The following KRT23 variants were observed in gnomAD, a reference collection of about 807,000 sequenced individuals.
The protein encoded by KRT23 is keratin 23.
In KRT23, 38 loss-of-function variants were observed where a neutral mutation model predicts 47.6. The observed-to-expected ratio is 0.80, with a 90% CI of 0.62 to 1.05. The LOEUF (loss-of-function observed/expected upper bound fraction) is 1.05, where lower values mean the gene tolerates loss of function less well. Ranked by LOEUF, KRT23 falls within the 50% of genes least tolerant of loss-of-function variation. The probability of loss-of-function intolerance (pLI) is 0.00; values close to 1 mark genes in which losing one functional copy is unlikely to be tolerated. For synonymous variants in KRT23, 191 were observed against 199.0 expected (o/e 0.96, Z 0.34); for missense variants, 503 against 529.5 (o/e 0.95, Z 0.49).
At chr17:40,937,165 G>T (rs562574805) in intron 1 of KRT23, 181 bp downstream of exon 1, 1 of 152,598 alleles carries the variant, frequency 6.6e-6, no homozygotes, top group South Asian at 2.1e-4. Context: ...AGAAGGGAAA[G>T]CCAGCTCAGA....
At chr17:40,924,409 A>G in intron 8 of KRT23, 63 bp downstream of exon 8, 1 of 1,381,734 alleles carries the variant, frequency 7.2e-7, no homozygotes, top group South Asian at 1.2e-5. Context: ...TGACTACTAC[A>G]AAATGGATAA....
chr17:40,925,507 T>C lies in KRT23; in HGVS notation c.989A>G (p.Gln330Arg). 6.2e-7 allele frequency: 1 copy of C among 1,614,176 alleles called. No homozygotes were observed. Among genetic ancestry groups the C allele is most frequent in the South Asian group, 1.1e-5 (1 of 91,090 alleles). ...SRYSCKLQDMQEIISHYEEEL... is the reference protein window; with the variant it reads ...SRYSCKLQDMREIISHYEEEL... The stretch of plus-strand genomic sequence containing the variant: ...CTCCTCATAGTGGGAGATGATCTCT[T>C]GCATGTCCTGGAGCTTGCAGGAGTA... The change falls in exon 7 of 9, where the codon CAA (glutamine) becomes CGA (arginine). Residue 330 changes from glutamine (Q) to arginine (R), a missense_variant. Coordinates refer to ENST00000209718, the MANE Select transcript of KRT23 (RefSeq NM_015515.5).
chr17:40,928,410 T>G, intron 5 of KRT23, 36 bp downstream of exon 5: 2 of 1,614,112 alleles, frequency 1.2e-6, no homozygotes, highest in South Asian at 1.1e-5. Flanking sequence ...CTCATGGAAA[T>G]GCAACCTTTG....
intron 4 of KRT23, 65 bp from the exon 5 acceptor site, chr17:40,928,672 G>A: frequency 7.0e-7 from 1 of 1,422,940 alleles, no homozygotes. Flanking sequence ...TTGCCATGTT[G>A]ATTGGCAGTG....
In KRT23 at chr17:40,923,038, T is replaced by C. The variant is rs1909021126; in HGVS notation, c.1220A>G (p.Asn407Ser). 33 of 1,614,034 alleles carry C rather than the reference T, an allele frequency of 2.0e-5. No homozygotes were observed. The highest frequency in any genetic ancestry group is 2.5e-5 in the Non-Finnish European group (29 of 1,179,982). ...CACTTGACAAAGAACTAATCTTCCGTTGATGGTCTCCTGGGTTATGGCCTT... is the reference window on the plus strand; with the variant it reads ...CACTTGACAAAGAACTAATCTTCCGCTGATGGTCTCCTGGGTTATGGCCTT... ...KIKAITQETI[N>S]GRLVLCQVNE... The change falls in exon 9 of 9, where the codon AAC (asparagine) becomes AGC (serine). Residue 407 changes from asparagine (N) to serine (S), a missense_variant. Physicochemically the swap from Asn to Ser is conservative, Grantham distance 46. Coordinates refer to ENST00000209718, the MANE Select transcript of KRT23 (RefSeq NM_015515.5).
In KRT23 at chr17:40,936,792, C is replaced by A. The variant is rs1043642284; in HGVS notation, c.-189G>T. ...TCCTCTTGGTCAATCCCAAAGTGCCCCTGGGCCTTCGCACACTGTTGTTGT... is the reference window on the plus strand; with the variant it reads ...TCCTCTTGGTCAATCCCAAAGTGCCACTGGGCCTTCGCACACTGTTGTTGT... On this transcript the variant is annotated 5_prime_UTR_variant, in exon 2 of 9. Transcript: ENST00000209718. 1 of 476,720 alleles carries A rather than the reference C, an allele frequency of 2.1e-6. No individual in the cohort carries two copies. The highest frequency in any genetic ancestry group is 3.5e-6 in the Non-Finnish European group (1 of 282,306). 29.5% of individuals were successfully genotyped at this position (476,720 alleles called of 1,614,324 possible).
rs755654949 is a variant in KRT23 at position 40,928,433 on chromosome 17, A to G, written c.798+13T>C. 2 of 1,613,994 alleles carry G rather than the reference A, an allele frequency of 1.2e-6. No individual in the cohort carries two copies. Among genetic ancestry groups the G allele is most frequent in the East Asian group, 2.2e-5 (1 of 44,890 alleles). ...AATGCAACCTTTGGGAAGTTTGTGCATCTTTCTTTTACCTGTTCTTTATAC... is the reference window on the plus strand; with the variant it reads ...AATGCAACCTTTGGGAAGTTTGTGCGTCTTTCTTTTACCTGTTCTTTATAC... On this transcript the variant is annotated intron_variant, in intron 5 of 8. Transcript: ENST00000209718.
intron 6 of KRT23, 130 bp downstream of exon 6, chr17:40,928,108 C>A: frequency 8.5e-7 from 1 of 1,174,782 alleles, no homozygotes; most frequent in Non-Finnish European, 1.2e-6. Flanking sequence ...TCATCATAAA[C>A]AATTTGGATG....
intron 2 of KRT23, among the ~76,000 whole-genome samples, chr17:40,931,767 C>G (rs963394219): frequency 1.3e-5 from 2 of 152,134 alleles, no homozygotes; most frequent in African/African-American, 4.8e-5. Flanking sequence ...AGGGGAAGGA[C>G]AGTAATTGTT....
chr17:40,930,106 G>A lies in KRT23; in HGVS notation c.480-10C>T. The A allele has an allele frequency of 6.2e-7, 1 of 1,612,480 alleles. No individual in the cohort carries two copies. Among genetic ancestry groups the A allele is most frequent in the Non-Finnish European group, 8.5e-7 (1 of 1,179,104 alleles). ...GTGTTCATTTTCATACCTTTGGTGA[G>A]AAGGAAGAGAAGAGTGCACTCATTG... On this transcript the variant is annotated splice_polypyrimidine_tract_variant and intron_variant, in intron 3 of 8. Coordinates refer to ENST00000209718, the MANE Select transcript of KRT23 (RefSeq NM_015515.5).
In KRT23 at chr17:40,931,366, A is replaced by G; in HGVS notation, c.479+7T>C. On this transcript the variant is annotated splice_region_variant and intron_variant, in intron 3 of 8. Coordinates refer to ENST00000209718, the MANE Select transcript of KRT23 (RefSeq NM_015515.5). ...AACCCGAACAACCCTGTGAAGAAGG[A>G]ACTTACTTGAGGTTGAAGTCATCCA... is the stretch of plus-strand genomic sequence containing the variant. 1.5e-5 allele frequency: 24 copies of G among 1,599,854 alleles called. No homozygotes were observed. Among genetic ancestry groups the G allele is most frequent in the Non-Finnish European group, 2.1e-5 (24 of 1,166,970 alleles).
Position 40,936,700 on chromosome 17 carries a change from T to A in KRT23, c.-97A>T, listed in dbSNP as rs569297664. 2.2e-5 allele frequency: 25 copies of A among 1,158,210 alleles called. No individual in the cohort carries two copies. The East Asian group carries it at 6.2e-4, about 29-fold the overall frequency. The allele number at this position is 1,158,210 out of a possible 1,614,324, so 71.7% of individuals were successfully genotyped here. A position where few individuals can be genotyped will look rare whatever the true frequency, so the allele number is the denominator to read the frequency against. ...GACTGCCCTGGATGGTTTTATGGCC[T>A]TTGCTGTGGGAGTTCCCTTCTCTGA... On this transcript the variant is annotated 5_prime_UTR_variant, in exon 2 of 9. The change creates a new upstream start codon in the 5' untranslated region. Coordinates refer to ENST00000209718, the MANE Select transcript of KRT23 (RefSeq NM_015515.5).
chr17:40,936,363 C>T lies in KRT23; in HGVS notation c.241G>A (p.Asp81Asn), dbSNP rs763576009. Reference protein sequence around the residue: ...NGKATMQNLNDRLASYLEKVR... With the variant: ...NGKATMQNLNNRLASYLEKVR... ...TTCTCCAGGTAGGAGGCCAGGCGGT[C>T]GTTGAGATTCTGCATGGTGGCCTTC... The change falls in exon 2 of 9, where the codon GAC becomes AAC. Residue 81 changes from aspartate to asparagine, a missense_variant. By Grantham distance (23) the Asp-to-Asn change is conservative. Coordinates refer to ENST00000209718, the MANE Select transcript of KRT23 (RefSeq NM_015515.5). 20 of 1,614,082 alleles carry T rather than the reference C, an allele frequency of 1.2e-5. No homozygotes were observed. The highest frequency in any genetic ancestry group is 5.0e-5 in the Admixed American group (3 of 60,006).
Position 40,931,394 on chromosome 17 carries a change from G to GCCAT in KRT23, c.454_457dup (p.Ala153AspfsTer5). On this transcript the variant is annotated frameshift_variant, in exon 3 of 9. Transcript: ENST00000209718. LOFTEE classifies it high-confidence loss of function. Reference sequence around the variant, plus strand: ...TTACTTGAGGTTGAAGTCATCCACTGCCATCCTGGCATTGTCAATGAGAAG... The same window carrying GCCAT: ...TTACTTGAGGTTGAAGTCATCCACTGCCATCCATCCTGGCATTGTCAATGAGAAG... The GCCAT allele has an allele frequency of 6.2e-7, 1 of 1,612,526 alleles. No homozygotes were observed. The highest frequency in any genetic ancestry group is 2.2e-5 in the East Asian group (1 of 44,874).
chr17:40,922,782 C>A lies in KRT23; in HGVS notation c.*207G>T. 6.5e-6 allele frequency: 3 copies of A among 459,764 alleles called. No homozygotes were observed. The highest frequency in any genetic ancestry group is 3.9e-5 in the Admixed American group (1 of 25,704). 28.5% of individuals were successfully genotyped at this position (459,764 alleles called of 1,614,324 possible). A position where few individuals can be genotyped will look rare whatever the true frequency, so the allele number is the denominator to read the frequency against. On this transcript the variant is annotated 3_prime_UTR_variant, in exon 9 of 9. Coordinates refer to ENST00000209718, the MANE Select transcript of KRT23 (RefSeq NM_015515.5). ...CTGCAGTAGGAAAGTAGAGCTTTACCCTCATAAACTCGCACTTTGATTAGA... is the reference window on the plus strand; with the variant it reads ...CTGCAGTAGGAAAGTAGAGCTTTACACTCATAAACTCGCACTTTGATTAGA...
chr17:40,927,792 T>C (rs571232179), intron 6 of KRT23, among the ~76,000 whole-genome samples: 93 of 152,204 alleles, frequency 6.1e-4, no homozygotes, highest in African/African-American at 2.0e-3. Flanking sequence ...TTTCTCTACA[T>C]TGGGGTTTGA....
In KRT23 at chr17:40,923,090, A is replaced by C; in HGVS notation, c.1175-7T>G. The C allele has an allele frequency of 6.3e-7, 1 of 1,598,940 alleles. No individual in the cohort carries two copies. Among genetic ancestry groups the C allele is most frequent in the Non-Finnish European group, 8.6e-7 (1 of 1,166,172 alleles). On this transcript the variant is annotated splice_polypyrimidine_tract_variant and splice_region_variant and intron_variant, in intron 8 of 8. Transcript: ENST00000209718. ...ATCTTTGGAGTTGCAGACACTGAGA[A>C]AAAGAGCATGGAAGATGTCACTGCC...
rs551835306 is a variant in KRT23 at position 40,924,448 on chromosome 17, C to T, written c.1174+24G>A. 9 of 1,597,414 alleles carry T rather than the reference C, an allele frequency of 5.6e-6. 1 individual carries two copies. Among genetic ancestry groups the T allele is most frequent in the South Asian group, 4.4e-5 (4 of 90,638 alleles). On this transcript the variant is annotated intron_variant, in intron 8 of 8. Transcript: ENST00000209718. ...TGCTAATTCCTTAAAAACAGAGATT[C>T]AAACAATGAAGGAAATTTTTTACCT...
intron 6 of KRT23, among the ~76,000 whole-genome samples, chr17:40,926,299 A>G (rs1909219197): frequency 6.6e-6 from 1 of 151,416 alleles, no homozygotes; most frequent in Non-Finnish European, 1.5e-5. Flanking sequence ...TGTGCTGGAT[A>G]CTCTCCCTTT....
Sources: gnomAD v4.1 joint callset for allele counts (sites outside exome capture counted in the v4.1 genomes callset) on GRCh38, gnomAD v4.1.1 for gene constraint, MANE v1.5 for transcripts, NCBI Gene and HGNC (gene_info 2026-07-23, HGNC 2026-07-21) for gene names.